Variants in TAS2R1 observed in about 807,000 individuals in gnomAD.
TAS2R1 encodes taste receptor type 2 member 1.
For synonymous variants in TAS2R1, 141 were observed against 134.2 expected (o/e 1.05, Z -0.35); for missense variants, 370 against 353.4 (o/e 1.05, Z -0.38).
At position 9,628,358 on chromosome 5, in the gene TAS2R1, T is replaced by C. The variant is rs117792581; in HGVS notation, c.*775A>G. ...CAAAGTCAGGCACACAAATACAAAATAAAACATCTTTGCAAGTTATTGTCT... is the reference window on the plus strand; with the variant it reads ...CAAAGTCAGGCACACAAATACAAAACAAAACATCTTTGCAAGTTATTGTCT... On this transcript the variant is annotated 3_prime_UTR_variant, in exon 1 of 1. Transcript: ENST00000382492. Among the ~76,000 whole-genome samples, 49 of 152,198 alleles carry C rather than the reference T, an allele frequency of 3.2e-4. No homozygotes were observed. The East Asian group carries it at 6.9e-3, about 22-fold the overall frequency.
the TAS2R1 span, among the ~76,000 whole-genome samples, chr5:9,856,399 G>A: frequency 3.0e-4 from 45 of 152,092 alleles, no homozygotes; most frequent in African/African-American, 1.0e-3. Flanking sequence ...GAAAAAAAAA[G>A]GACAATGAAC....
chr5:9,759,356 T>G, the TAS2R1 span, among the ~76,000 whole-genome samples: 1 of 152,104 alleles, frequency 6.6e-6, no homozygotes, highest in East Asian at 1.9e-4. Flanking sequence ...GGATGCACAC[T>G]CTTTGAGGGC....
chr5:9,859,253 G>A, the TAS2R1 span, among the ~76,000 whole-genome samples: 3 of 152,124 alleles, frequency 2.0e-5, no homozygotes, highest in African/African-American at 7.2e-5. Flanking sequence ...CATGGTCAAG[G>A]CAATAAAGAA....
chr5:9,773,133 G>C, the TAS2R1 span, among the ~76,000 whole-genome samples: 1 of 151,538 alleles, frequency 6.6e-6, no homozygotes, highest in East Asian at 1.9e-4. Flanking sequence ...TTGTCTGGTG[G>C]TGTGATTTAA....
At chr5:9,753,763 T>C in the TAS2R1 span, among the ~76,000 whole-genome samples, 1 of 152,236 alleles carries the variant, frequency 6.6e-6, no homozygotes, top group Non-Finnish European at 1.5e-5. Context: ...GCTTTCTACA[T>C]ATGGCTAGCC....
At chr5:9,897,260 C>G in the TAS2R1 span, among the ~76,000 whole-genome samples, 1 of 152,042 alleles carries the variant, frequency 6.6e-6, no homozygotes, top group Non-Finnish European at 1.5e-5. Flanking sequence ...ACCAGCCTGG[C>G]CAATATGGTG....
At chr5:9,897,660 C>A in the TAS2R1 span, among the ~76,000 whole-genome samples, 1 of 152,180 alleles carries the variant, frequency 6.6e-6, no homozygotes, top group African/African-American at 2.4e-5. Flanking sequence ...TTTATGAGAT[C>A]ATACATTCCC....
chr5:9,712,172 C>A (rs1405614672), exon 1 of TAS2R1: 1 of 152,158 alleles, frequency 6.6e-6, no homozygotes, highest in East Asian at 1.9e-4. Context: ...TTTATCTTAC[C>A]TGCCTGGTCC....
chr5:9,806,695 C>T, the TAS2R1 span, among the ~76,000 whole-genome samples: 5 of 151,986 alleles, frequency 3.3e-5, no homozygotes, highest in Admixed American at 6.6e-5. Flanking sequence ...TGGCAAGCCA[C>T]GTGTAGAAGA....
At chr5:9,738,600 A>G in the TAS2R1 span, among the ~76,000 whole-genome samples, 1 of 152,272 alleles carries the variant, frequency 6.6e-6, no homozygotes, top group East Asian at 1.9e-4. Context: ...ACCCATTTCT[A>G]TTTTTGGGAG....
the TAS2R1 span, among the ~76,000 whole-genome samples, chr5:9,881,101 A>G: frequency 6.6e-6 from 1 of 152,070 alleles, no homozygotes; most frequent in Non-Finnish European, 1.5e-5. Flanking sequence ...GTGCAGCATA[A>G]TCCTTCCACC....
intron 1 of TAS2R1, among the ~76,000 whole-genome samples, chr5:9,709,415 C>A (rs1440361490): frequency 6.6e-6 from 1 of 152,094 alleles, no homozygotes; most frequent in Non-Finnish European, 1.5e-5. Flanking sequence ...CCCTCCATAC[C>A]AATGCTACTC....
chr5:9,730,245 T>C, the TAS2R1 span, among the ~76,000 whole-genome samples: 2 of 152,198 alleles, frequency 1.3e-5, no homozygotes, highest in Non-Finnish European at 2.9e-5. Context: ...AAATTCCACC[T>C]TAGGCTCTTT....
At chr5:9,845,436 CAAGTGA>C in the TAS2R1 span, among the ~76,000 whole-genome samples, 3 of 152,018 alleles carry the variant, frequency 2.0e-5, no homozygotes, top group African/African-American at 7.2e-5. Context: ...AAATTTGTTG[CAAGTGA>C]AAGTAGTTTC....
At chr5:9,673,607 ATATTT>A (rs148845338) in intron 1 of TAS2R1, among the ~76,000 whole-genome samples, 4,249 of 151,790 alleles carry the variant, frequency 0.028, 74 homozygotes, top group Middle Eastern at 0.051. Flanking sequence ...TTAAAATTAT[ATATTT>A]TATTTTATTT....
At chr5:9,825,375 T>A in the TAS2R1 span, among the ~76,000 whole-genome samples, 1 of 152,050 alleles carries the variant, frequency 6.6e-6, no homozygotes, top group African/African-American at 2.4e-5. Context: ...AACCATCAGA[T>A]CTTGTGAAAC....
the TAS2R1 span, among the ~76,000 whole-genome samples, chr5:9,857,577 G>A: frequency 1.3e-5 from 2 of 152,108 alleles, no homozygotes; most frequent in African/African-American, 4.8e-5. Flanking sequence ...GAGCTTAAAA[G>A]TTGAAGGAAA....
intron 1 of TAS2R1, among the ~76,000 whole-genome samples, chr5:9,667,075 C>T (rs1458253016): frequency 6.6e-6 from 1 of 152,114 alleles, no homozygotes; most frequent in Non-Finnish European, 1.5e-5. Context: ...TTATTGACTT[C>T]TTGAGTCCGT....
the TAS2R1 span, among the ~76,000 whole-genome samples, chr5:9,773,081 C>T: frequency 6.6e-6 from 1 of 151,492 alleles, no homozygotes; most frequent in African/African-American, 2.4e-5. Context: ...TCTTCTTTTC[C>T]TTCTTTCCTT....
Sources: gnomAD v4.1 joint callset for allele counts (sites outside exome capture counted in the v4.1 genomes callset) on GRCh38, gnomAD v4.1.1 for gene constraint, MANE v1.5 for transcripts, NCBI Gene and HGNC (gene_info 2026-07-23, HGNC 2026-07-21) for gene names.